The following DST variants were observed in gnomAD, a reference collection of about 807,000 sequenced individuals.
DST encodes bullous pemphigoid antigen.
In DST, 253 loss-of-function variants were observed where a neutral mutation model predicts 875.2. That is an observed-to-expected ratio of 0.29 (90% CI 0.26 to 0.32). The LOEUF is 0.32. Among genes scored for constraint, DST ranks in the 10% least tolerant of loss-of-function variants. The pLI, the probability that DST is intolerant of heterozygous loss-of-function variation, is 1.00. For missense variants in DST, 8,287 were observed against 9,111.6 expected, an observed-to-expected ratio of 0.91 and a Z score of 3.68; for synonymous variants, 3,124 against 3,197.1, an observed-to-expected ratio of 0.98 and a Z score of 0.77.
chr6:56,800,641 A>C (rs2153020796), intron 4 of DST, among the ~76,000 whole-genome samples: 1 of 152,316 alleles, frequency 6.6e-6, no homozygotes, highest in Middle Eastern at 3.4e-3. Flanking sequence ...AAAGTTGTAG[A>C]GAAGCATTTT....
At chr6:56,759,147 C>T (rs2099611317) in intron 4 of DST, among the ~76,000 whole-genome samples, 1 of 152,024 alleles carries the variant, frequency 6.6e-6, no homozygotes, top group Admixed American at 6.6e-5. Flanking sequence ...ACTTATGTAC[C>T]CCAATATTTA....
intron 9 of DST, among the ~76,000 whole-genome samples, chr6:56,685,000 C>A (rs2099174814): frequency 7.2e-6 from 1 of 139,132 alleles, no homozygotes; most frequent in East Asian, 2.6e-4. Context: ...CACCCCCCCA[C>A]CCCACACAGA....
chr6:56,953,730 G>A, intron 2 of DST, 55 bp downstream of exon 2: 2 of 1,236,528 alleles, frequency 1.6e-6, no homozygotes, highest in African/African-American at 1.6e-5. Context: ...ATTAATATTG[G>A]TACTCAGGAA....
intron 2 of DST, among the ~76,000 whole-genome samples, chr6:56,931,224 TG>T (rs1810041287): frequency 6.6e-6 from 1 of 152,146 alleles, no homozygotes; most frequent in South Asian, 2.1e-4. Flanking sequence ...AAGAGTGCTG[TG>T]GCTTCAGAGG....
rs1414601937 is a variant in DST, at chr6:56,608,103, A to G, written c.6525T>C (p.Asp2175=). ...FCKFQPSTVH[D]YRQEEDVFDG... is the part of the protein sequence containing the mutation. Reference sequence around the variant, plus strand: ...CAAAAACATCCTCTTCTTGTCTGTAATCATGAACTGTGGAGGGTTGAAATT... The same window carrying G: ...CAAAAACATCCTCTTCTTGTCTGTAGTCATGAACTGTGGAGGGTTGAAATT... The change falls in exon 40 of 104, where the codon GAT becomes GAC. Residue 2175 remains aspartate (D), a synonymous_variant. Transcript: ENST00000680361. The G allele has an allele frequency of 6.2e-7, 1 of 1,613,608 alleles. No individual in the cohort carries two copies. Among genetic ancestry groups the G allele is most frequent in the African/African-American group, 1.3e-5 (1 of 74,906 alleles).
chr6:56,508,740 A>C lies in DST; in HGVS notation c.19028T>G (p.Leu6343Arg). 1 of 1,612,952 alleles carries C rather than the reference A, an allele frequency of 6.2e-7. No individual in the cohort carries two copies. Among genetic ancestry groups the C allele is most frequent in the South Asian group, 1.1e-5 (1 of 90,966 alleles). Residue 6343 changes from leucine (L) to arginine (R), a missense_variant, in exon 75 of 104, where the codon CTT (leucine) becomes CGT (arginine). Physicochemically the swap from Leu to Arg is moderately radical, Grantham distance 102. Coordinates refer to ENST00000680361, the MANE Select transcript of DST (RefSeq NM_001374736.1). ...DISAKAVQDK[L>R]DQMVFIWENI... The stretch of plus-strand genomic sequence containing the variant: ...CTCCCAAATGAAAACCATTTGGTCA[A>C]GCTTATCCTGAACAGCTATGAAGCA...
At chr6:56,658,124 G>A (rs777954888) in intron 10 of DST, among the ~76,000 whole-genome samples, 1 of 151,946 alleles carries the variant, frequency 6.6e-6, no homozygotes, top group South Asian at 2.1e-4. Context: ...GTGCAGTGGC[G>A]CAATCTCGGC....
chr6:56,830,632 C>T (rs574286877), intron 4 of DST, among the ~76,000 whole-genome samples: 21 of 152,256 alleles, frequency 1.4e-4, no homozygotes, highest in Middle Eastern at 6.8e-3. Context: ...CAATTAACAA[C>T]GAAAGCAAGA....
intron 36 of DST, among the ~76,000 whole-genome samples, chr6:56,617,658 T>C (rs1221921317): frequency 1.3e-5 from 2 of 152,210 alleles, no homozygotes; most frequent in Non-Finnish European, 2.9e-5. Context: ...AGACAAAGTC[T>C]AGCCACAGAA....
At position 56,601,360 on chromosome 6, in the gene DST, C is replaced by T. The variant is rs2098444420; in HGVS notation, c.11541+83G>A. On this transcript the variant is annotated intron_variant, in intron 44 of 103. Coordinates refer to ENST00000680361, the MANE Select transcript of DST (RefSeq NM_001374736.1). The stretch of plus-strand genomic sequence containing the variant: ...TTAATGCCTTTCCAGAAAATCTTTC[C>T]TGTCACACTATACTCCTTGGGTATC... The T allele has an allele frequency of 1.4e-5, 12 of 862,752 alleles. 1 individual carries two copies. In the South Asian group the frequency reaches 1.9e-4, roughly 14 times the overall value. 53.4% of individuals were successfully genotyped at this position (862,752 alleles called of 1,614,324 possible).
intron 3 of DST, among the ~76,000 whole-genome samples, chr6:56,852,784 C>G (rs1200927686): frequency 4.6e-5 from 7 of 152,196 alleles, no homozygotes; most frequent in Non-Finnish European, 2.9e-5. Context: ...ATGTAACTTG[C>G]AGCCATGGAT....
In DST at chr6:56,501,191, A is replaced by C; in HGVS notation, c.19785T>G (p.His6595Gln). The change falls in exon 80 of 104, where the codon CAT becomes CAG. Residue 6595 changes from histidine to glutamine, a missense_variant. Physicochemically the swap from His to Gln is conservative, Grantham distance 24. This residue lies in a region of DST where 1,292 missense variants were observed against 1,552.7 expected (regional missense o/e 0.83). Coordinates refer to ENST00000680361, the MANE Select transcript of DST (RefSeq NM_001374736.1). Reference sequence around the variant, plus strand: ...GCCATGCCAGGAGCTCATCCAGGGCATGTTGGAACTGACCCAAGGCTAATA... The same window carrying C: ...GCCATGCCAGGAGCTCATCCAGGGCCTGTTGGAACTGACCCAAGGCTAATA... The part of the protein sequence containing the change: ...GALLALGQFQ[H>Q]ALDELLAWLT... The C allele has an allele frequency of 6.2e-7, 1 of 1,611,942 alleles. No individual in the cohort carries two copies. The highest frequency in any genetic ancestry group is 8.5e-7 in the Non-Finnish European group (1 of 1,178,938).
chr6:56,506,582 T>C (rs776738638), intron 76 of DST, 38 bp from the exon 77 acceptor site: 1 of 1,608,466 alleles, frequency 6.2e-7, no homozygotes, highest in Non-Finnish European at 8.5e-7. Flanking sequence ...AGTGCCATAT[T>C]TTAAACTTTC....
intron 3 of DST, among the ~76,000 whole-genome samples, chr6:56,854,717 T>G (rs575333317): frequency 6.6e-6 from 1 of 152,154 alleles, no homozygotes; most frequent in South Asian, 2.1e-4. Flanking sequence ...AGTAAAAAGA[T>G]TTTATGTCAA....
chr6:56,927,658 T>C (rs1807884871), intron 2 of DST, among the ~76,000 whole-genome samples: 1 of 151,712 alleles, frequency 6.6e-6, no homozygotes, highest in Admixed American at 6.6e-5. Context: ...AACCATACAA[T>C]CACCCCCTTT....
intron 4 of DST, among the ~76,000 whole-genome samples, chr6:56,741,906 A>G: frequency 6.6e-6 from 1 of 152,326 alleles, no homozygotes; most frequent in East Asian, 1.9e-4. Flanking sequence ...GTAACAGCTG[A>G]AAATATGTAA....
At chr6:56,712,038 CCGAGAT>C in intron 5 of DST, among the ~76,000 whole-genome samples, 1 of 145,640 alleles carries the variant, frequency 6.9e-6, no homozygotes, top group East Asian at 2.0e-4. Context: ...TTGCAGTGAG[CCGAGAT>C]CCCGCCACTG....
chr6:56,910,062 CT>C (rs1318783591), intron 2 of DST, among the ~76,000 whole-genome samples: 1 of 152,164 alleles, frequency 6.6e-6, no homozygotes, highest in Non-Finnish European at 1.5e-5. Flanking sequence ...TTTTTAAAAT[CT>C]TTTCTAATAA....
At chr6:56,616,723 C>G in intron 36 of DST, 1 of 1,614,206 alleles carries the variant, frequency 6.2e-7, no homozygotes, top group Non-Finnish European at 8.5e-7. Flanking sequence ...CACTGGCAAT[C>G]TGGGCTTCCA....
Sources: allele counts gnomAD v4.1 joint callset (sites outside exome capture counted in the v4.1 genomes callset), GRCh38; gene constraint gnomAD v4.1.1; regional missense constraint gnomAD v4.1.1; transcripts MANE v1.5; gene names NCBI Gene and HGNC (gene_info 2026-07-23, HGNC 2026-07-21).